The following ZC2HC1B variants were observed in gnomAD, a reference collection of about 807,000 sequenced individuals.
The protein encoded by ZC2HC1B is zinc finger C2HC-type containing 1B, also known as zinc finger C2HC domain-containing protein 1B.
ZC2HC1B carries 36 observed loss-of-function variants against 31.0 expected under a neutral mutation model. The ratio of observed to expected loss-of-function variants is 1.16; its 90% CI spans 0.89 to 1.54. The LOEUF is 1.54. Ranked by LOEUF, ZC2HC1B falls within the 40% of genes most tolerant of loss-of-function variation. The pLI is 0.00. For synonymous variants in ZC2HC1B, 73 were observed against 88.0 expected, an observed-to-expected ratio of 0.83 and a Z score of 0.95; for missense variants, 260 against 268.6, an observed-to-expected ratio of 0.97 and a Z score of 0.22.
chr6:143,893,616 A>T (rs1423518788), intron 4 of ZC2HC1B, among the ~76,000 whole-genome samples: 2 of 152,116 alleles, frequency 1.3e-5, no homozygotes, highest in African/African-American at 2.4e-5. Context: ...TATGATGTGG[A>T]CCAACTGGAA....
chr6:143,894,325 G>A (rs1051350095), intron 4 of ZC2HC1B, among the ~76,000 whole-genome samples: 8 of 152,154 alleles, frequency 5.3e-5, no homozygotes, highest in African/African-American at 1.7e-4. Flanking sequence ...ACTGGGTTTT[G>A]CAAAATATTG....
intron 4 of ZC2HC1B, among the ~76,000 whole-genome samples, chr6:143,897,217 A>G (rs1777678804): frequency 6.6e-6 from 1 of 151,210 alleles, no homozygotes; most frequent in Admixed American, 6.6e-5. Context: ...ACTATACACT[A>G]ACACAAGTTC....
At chr6:143,914,115 T>C (rs1438649621) in intron 6 of ZC2HC1B, among the ~76,000 whole-genome samples, 1 of 152,246 alleles carries the variant, frequency 6.6e-6, no homozygotes, top group East Asian at 1.9e-4. Context: ...TTATCTACTT[T>C]CTTCCACTAG....
intron 1 of ZC2HC1B, among the ~76,000 whole-genome samples, chr6:143,878,681 T>TAC (rs1777435162): frequency 7.3e-6 from 1 of 137,158 alleles, no homozygotes; most frequent in African/African-American, 2.7e-5. Flanking sequence ...GAAACATGCA[T>TAC]AAAACAAGGT....
rs1777937106 is a variant in ZC2HC1B, at chr6:143,917,883, T to A, written c.598+14731T>A. Among the ~76,000 whole-genome samples, 1 of 152,248 alleles carries A rather than the reference T, an allele frequency of 6.6e-6. No individual in the cohort carries two copies. Among genetic ancestry groups the A allele is most frequent in the Non-Finnish European group, 1.5e-5 (1 of 68,044 alleles). Reference sequence around the variant, plus strand: ...TGGAGTTACAAACCAGTTACAGTACTAGTTTTTAGACTAATAATTGTTTTT... The same window carrying A: ...TGGAGTTACAAACCAGTTACAGTACAAGTTTTTAGACTAATAATTGTTTTT... On this transcript the variant is annotated intron_variant, in intron 6 of 7. Coordinates refer to ENST00000237275, the MANE Select transcript of ZC2HC1B (RefSeq NM_001013623.3). The surrounding 1 kb of genome is among the most constrained non-coding windows in gnomAD (Gnocchi z 4.1).
chr6:143,916,135 T>C (rs1777914281), intron 6 of ZC2HC1B, among the ~76,000 whole-genome samples: 1 of 152,198 alleles, frequency 6.6e-6, no homozygotes, highest in African/African-American at 2.4e-5. Flanking sequence ...TCTAGGGACT[T>C]GGTGCCCTGT....
At chr6:143,893,543 G>T (rs906926407) in intron 4 of ZC2HC1B, among the ~76,000 whole-genome samples, 1 of 151,888 alleles carries the variant, frequency 6.6e-6, no homozygotes, top group Non-Finnish European at 1.5e-5. Flanking sequence ...CTCCAGCCTG[G>T]GTGACAGAGT....
At chr6:143,897,896 A>G (rs1383747940) in intron 4 of ZC2HC1B, among the ~76,000 whole-genome samples, 4 of 152,230 alleles carry the variant, frequency 2.6e-5, no homozygotes, top group Non-Finnish European at 5.9e-5. Flanking sequence ...TGCCATCAAT[A>G]CTAACATTCT....
chr6:143,917,540 G>A lies in ZC2HC1B; in HGVS notation c.598+14388G>A, dbSNP rs991272834. Among the ~76,000 whole-genome samples, 27 of 152,044 alleles carry A rather than the reference G, an allele frequency of 1.8e-4. No individual in the cohort carries two copies. Among genetic ancestry groups the A allele is most frequent in the African/African-American group, 6.3e-4 (26 of 41,390 alleles). ...ATAACATACAATAACTGCTCCTTCA[G>A]CAATGTCTTTTCCACCCATTTTGTT... On this transcript the variant is annotated intron_variant, in intron 6 of 7. Transcript: ENST00000237275. This position sits in a 1 kb window ranked among gnomAD's most constrained non-coding sequence, Gnocchi z 4.1.
intron 4 of ZC2HC1B, among the ~76,000 whole-genome samples, chr6:143,896,906 T>G (rs948099117): frequency 1.3e-5 from 2 of 152,162 alleles, no homozygotes; most frequent in Admixed American, 1.3e-4. Context: ...TGTGCTAGAA[T>G]GCTTACTCCT....
intron 6 of ZC2HC1B, among the ~76,000 whole-genome samples, chr6:143,935,287 C>T (rs939149765): frequency 2.0e-5 from 3 of 152,078 alleles, no homozygotes; most frequent in African/African-American, 7.2e-5. Flanking sequence ...ATCCCCAGGC[C>T]CCAACAATGC....
chr6:143,934,785 G>A lies in ZC2HC1B; in HGVS notation c.599-2864G>A, dbSNP rs578252640. ...TTGGAAGCTGTGGTGAGGCTTTGCT[G>A]GGGATGGGGACACAAGGTGAGCTGG... is the stretch of plus-strand genomic sequence containing the variant. On this transcript the variant is annotated intron_variant, in intron 6 of 7. Coordinates refer to ENST00000237275, the MANE Select transcript of ZC2HC1B (RefSeq NM_001013623.3). This position sits in a 1 kb window ranked among gnomAD's most constrained non-coding sequence, Gnocchi z 4.6. 7.2e-5 allele frequency among the ~76,000 whole-genome samples: 11 copies of A among 152,312 alleles called. No homozygotes were observed. Among genetic ancestry groups the A allele is most frequent in the African/African-American group, 2.6e-4 (11 of 41,560 alleles).
At position 143,919,215 on chromosome 6, in the gene ZC2HC1B, CTCTGTGTGTGTG is replaced by C. The variant is rs1246465339; in HGVS notation, c.598+16065_598+16076del. The stretch of plus-strand genomic sequence containing the variant: ...TCTCCCTTCTGCAGGGTTTGCTATT[CTCTGTGTGTGTG>C]TGTGTGTGTGTGTGTGTGTGTGTGT... On this transcript the variant is annotated intron_variant, in intron 6 of 7. Coordinates refer to ENST00000237275, the MANE Select transcript of ZC2HC1B (RefSeq NM_001013623.3). Among the ~76,000 whole-genome samples, 185 of 124,160 alleles carry C rather than the reference CTCTGTGTGTGTG, an allele frequency of 1.5e-3. 3 individuals are homozygous for C. In the East Asian group the frequency reaches 0.026, roughly 17 times the overall value. The allele number at this position is 124,160 out of a possible 152,430, so 81.5% of individuals were successfully genotyped here.
chr6:143,916,527 A>C (rs1777918320), intron 6 of ZC2HC1B, among the ~76,000 whole-genome samples: 1 of 152,292 alleles, frequency 6.6e-6, no homozygotes, highest in South Asian at 2.1e-4. Flanking sequence ...TGCACTGTGC[A>C]CCTGGAAAAG....
At chr6:143,902,184 C>T (rs1166930343) in intron 5 of ZC2HC1B, among the ~76,000 whole-genome samples, 1 of 152,180 alleles carries the variant, frequency 6.6e-6, no homozygotes. Context: ...TTTGTGCCAG[C>T]TTCACCACTT....
chr6:143,882,334 T>TTATATA (rs59777839), intron 1 of ZC2HC1B, among the ~76,000 whole-genome samples: 1,014 of 85,490 alleles, frequency 0.012, 12 homozygotes, highest in Middle Eastern at 0.031. Flanking sequence ...TTTATATTTT[T>TTATATA]TATATATATA....
intron 6 of ZC2HC1B, among the ~76,000 whole-genome samples, chr6:143,936,202 A>G (rs138355762): frequency 6.6e-6 from 1 of 152,336 alleles, no homozygotes; most frequent in East Asian, 1.9e-4. Context: ...ATGCACAGGA[A>G]AACTTCTAAT....
chr6:143,877,275 T>TC, intron 1 of ZC2HC1B, among the ~76,000 whole-genome samples: 1 of 112,710 alleles, frequency 8.9e-6, no homozygotes, highest in Non-Finnish European at 1.9e-5. Flanking sequence ...TTAATTTCTT[T>TC]TTTTTTTTTT....
intron 5 of ZC2HC1B, 99 bp downstream of exon 5, chr6:143,898,790 G>A: frequency 7.0e-7 from 1 of 1,424,982 alleles, no homozygotes; most frequent in South Asian, 1.4e-5. Flanking sequence ...ATCCTAAGAA[G>A]TGTAAGCGTG....
Sources: gnomAD v4.1 joint callset for allele counts (sites outside exome capture counted in the v4.1 genomes callset) on GRCh38, gnomAD v4.1.1 for gene constraint, Gnocchi (gnomAD v3.1) non-coding constraint, MANE v1.5 for transcripts, NCBI Gene and HGNC (gene_info 2026-07-23, HGNC 2026-07-21) for gene names.